Variants in ARHGAP19 observed in about 807,000 individuals in gnomAD.
ARHGAP19 encodes rho GTPase-activating protein 19.
ARHGAP19 carries 48 observed loss-of-function variants against 60.9 expected under a neutral mutation model. The observed-to-expected ratio is 0.79, with a 90% confidence interval of 0.62 to 1.00. The LOEUF (loss-of-function observed/expected upper bound fraction) is 1.00, where lower values mean the gene tolerates loss of function less well. Among genes scored for constraint, ARHGAP19 ranks in the 50% least tolerant of loss-of-function variants. The pLI is 0.00. For synonymous variants in ARHGAP19, 209 were observed against 215.5 expected (o/e 0.97, Z 0.27); for missense variants, 562 against 597.2 (o/e 0.94, Z 0.61).
At chr10:97,230,950 G>T (rs1203301592) in intron 9 of ARHGAP19, among the ~76,000 whole-genome samples, 3 of 150,726 alleles carry the variant, frequency 2.0e-5, no homozygotes. Flanking sequence ...CCAGCTACTC[G>T]GGAGGCCGAG....
At chr10:97,239,265 T>G (rs1163239862) in intron 8 of ARHGAP19, among the ~76,000 whole-genome samples, 2 of 151,744 alleles carry the variant, frequency 1.3e-5, no homozygotes, top group Non-Finnish European at 2.9e-5. Context: ...GAGGCCGAGG[T>G]GGGGGGATCA....
chr10:97,228,108 C>T (rs1380847807), intron 11 of ARHGAP19, among the ~76,000 whole-genome samples: 1 of 151,988 alleles, frequency 6.6e-6, no homozygotes, highest in Non-Finnish European at 1.5e-5. Flanking sequence ...ACAGAAGCAA[C>T]GAGGAAAGAA....
intron 4 of ARHGAP19, among the ~76,000 whole-genome samples, chr10:97,261,245 G>A (rs557063634): frequency 1.3e-5 from 2 of 152,146 alleles, no homozygotes; most frequent in Non-Finnish European, 2.9e-5. Context: ...TGTTATTTAA[G>A]CTGTTTAACC....
chr10:97,248,762 A>G (rs1419487163), intron 6 of ARHGAP19, among the ~76,000 whole-genome samples: 1 of 152,216 alleles, frequency 6.6e-6, no homozygotes, highest in Non-Finnish European at 1.5e-5. Context: ...AAAGATGTAG[A>G]AGCCGGTTAA....
chr10:97,256,331 T>A lies in ARHGAP19; in HGVS notation c.914A>T (p.Gln305Leu), dbSNP rs17112598. ...SGMAFMIKHS[Q>L]KLFKAPAYIR... is the part of the protein sequence containing the mutation. ...TCCCTTACCTACCTTAAAAAGTTTCTGGGAGTGTTTAATCATAAAAGCCAT... is the reference window on the plus strand; with the variant it reads ...TCCCTTACCTACCTTAAAAAGTTTCAGGGAGTGTTTAATCATAAAAGCCAT... The change falls in exon 6 of 12, where the codon CAG (glutamine) becomes CTG (leucine). Residue 305 changes from glutamine to leucine, a missense_variant. Physicochemically the swap from Gln to Leu is moderately radical, Grantham distance 113. Transcript: ENST00000358531. The A allele has an allele frequency of 3.3e-5, 54 of 1,613,816 alleles. No homozygotes were observed. The highest frequency in any genetic ancestry group is 4.5e-5 in the Non-Finnish European group (53 of 1,179,822).
chr10:97,238,091 A>G (rs1842410751), intron 8 of ARHGAP19, among the ~76,000 whole-genome samples: 1 of 152,180 alleles, frequency 6.6e-6, no homozygotes, highest in Non-Finnish European at 1.5e-5. Flanking sequence ...CAGCTCCATG[A>G]GTGATATTGC....
intron 6 of ARHGAP19, among the ~76,000 whole-genome samples, chr10:97,255,737 T>C (rs1285773143): frequency 6.6e-6 from 1 of 152,152 alleles, no homozygotes; most frequent in African/African-American, 2.4e-5. Context: ...AGTAAGAGCG[T>C]ACCTCACAGA....
In ARHGAP19 at chr10:97,263,384, A is replaced by G. The variant is rs769443879; in HGVS notation, c.613+36T>C. ...TAGGAACTTTACTAAATTGAAAGAA[A>G]TGTATTTACATCTCCTTCTTACTTC... On this transcript the variant is annotated intron_variant, in intron 4 of 11. Coordinates refer to ENST00000358531, the MANE Select transcript of ARHGAP19 (RefSeq NM_032900.6). 4 of 1,587,382 alleles carry G rather than the reference A, an allele frequency of 2.5e-6. No individual in the cohort carries two copies. The Admixed American group carries it at 5.0e-5, about 20-fold the overall frequency.
chr10:97,279,785 C>A (rs1164779679), intron 1 of ARHGAP19, among the ~76,000 whole-genome samples: 2 of 152,118 alleles, frequency 1.3e-5, no homozygotes, highest in Non-Finnish European at 2.9e-5. Flanking sequence ...CCACCACGCC[C>A]AGCCCAAATT....
intron 1 of ARHGAP19, among the ~76,000 whole-genome samples, chr10:97,268,838 A>T (rs1289630500): frequency 6.6e-6 from 1 of 152,138 alleles, no homozygotes; most frequent in Non-Finnish European, 1.5e-5. Context: ...ACCCCTTTTT[A>T]CTTCTAATAT....
At chr10:97,250,247 T>C (rs941047976) in intron 6 of ARHGAP19, among the ~76,000 whole-genome samples, 1 of 152,158 alleles carries the variant, frequency 6.6e-6, no homozygotes, top group African/African-American at 2.4e-5. Flanking sequence ...TATGATAACA[T>C]TTGTTGACAC....
At chr10:97,263,915 A>G (rs1252598240) in intron 3 of ARHGAP19, among the ~76,000 whole-genome samples, 2 of 152,130 alleles carry the variant, frequency 1.3e-5, no homozygotes, top group African/African-American at 4.8e-5. Context: ...TAACCCAATC[A>G]ATGGTCAGGA....
chr10:97,253,276 G>C (rs1842712048), intron 6 of ARHGAP19, among the ~76,000 whole-genome samples: 1 of 151,934 alleles, frequency 6.6e-6, no homozygotes, highest in Non-Finnish European at 1.5e-5. Context: ...TACTCGAGAG[G>C]CTGAGGCAGG....
In ARHGAP19 at chr10:97,259,589, A is replaced by C. The variant is rs1372691334; in HGVS notation, c.653T>G (p.Ile218Arg). 3 of 1,614,160 alleles carry C rather than the reference A, an allele frequency of 1.9e-6. No individual in the cohort carries two copies. In the Admixed American group the frequency reaches 5.0e-5, roughly 27 times the overall value. Residue 218 changes from isoleucine (I) to arginine (R), a missense_variant, in exon 5 of 12, where the codon ATA (isoleucine) becomes AGA (arginine). By Grantham distance (97) the Ile-to-Arg change is moderately conservative (BLOSUM62 -3). Coordinates refer to ENST00000358531, the MANE Select transcript of ARHGAP19 (RefSeq NM_032900.6). ...CTCAATTTGCCGGTCCTTGTCTGGT[A>C]TATTGGTCTTGTTTCCTTTATCATC... The part of the protein sequence containing the change: ...QFDDKGNKTN[I>R]PDKDRQIEAL...
chr10:97,281,142 T>C (rs1311535931), intron 1 of ARHGAP19, among the ~76,000 whole-genome samples: 1 of 148,680 alleles, frequency 6.7e-6, no homozygotes, highest in African/African-American at 2.5e-5. Flanking sequence ...CAACACCTTG[T>C]GAGGACAAGG....
rs1842528903 is a variant in ARHGAP19, at chr10:97,244,116, T to C, written c.1037A>G (p.Gln346Arg). The change falls in exon 8 of 12, where the codon CAG becomes CGG. Residue 346 changes from glutamine to arginine, a missense_variant. Gln to Arg is a conservative substitution (Grantham distance 43). Coordinates refer to ENST00000358531, the MANE Select transcript of ARHGAP19 (RefSeq NM_032900.6). ...GTTCCGTTTCTGAGACTTTGCCAGC[T>C]GAAAGGACTTAGTATGACATGAAGC... is the stretch of plus-strand genomic sequence containing the variant. ...LIASCHTKSFQLAKSQKRNRV... is the reference protein window; with the variant it reads ...LIASCHTKSFRLAKSQKRNRV... 1 of 1,613,896 alleles carries C rather than the reference T, an allele frequency of 6.2e-7. No individual in the cohort carries two copies. Among genetic ancestry groups the C allele is most frequent in the African/African-American group, 1.3e-5 (1 of 74,896 alleles).
chr10:97,235,661 T>A (rs1842362366), intron 8 of ARHGAP19, among the ~76,000 whole-genome samples: 1 of 152,180 alleles, frequency 6.6e-6, no homozygotes, highest in Non-Finnish European at 1.5e-5. Flanking sequence ...ACCACACAGT[T>A]ACTGGCACAA....
intron 6 of ARHGAP19, 65 bp from the exon 7 acceptor site, chr10:97,246,402 G>T: frequency 7.8e-7 from 1 of 1,276,606 alleles, no homozygotes; most frequent in Non-Finnish European, 1.1e-6. Context: ...CTTTCAGGCC[G>T]CAAGGACAGT....
At chr10:97,273,442 C>T (rs549807561) in intron 1 of ARHGAP19, among the ~76,000 whole-genome samples, 1 of 151,006 alleles carries the variant, frequency 6.6e-6, no homozygotes, top group Non-Finnish European at 1.5e-5. Context: ...GAATTATAGG[C>T]ATGAGCCACC....
Sources: allele counts gnomAD v4.1 joint callset (sites outside exome capture counted in the v4.1 genomes callset), GRCh38; gene constraint gnomAD v4.1.1; transcripts MANE v1.5; gene names NCBI Gene and HGNC (gene_info 2026-07-23, HGNC 2026-07-21).